The following ALPK2 variants were observed in gnomAD, a reference collection of about 807,000 sequenced individuals.
ALPK2 encodes the protein alpha-protein kinase 2.
ALPK2 carries 127 observed loss-of-function variants against 163.1 expected under a neutral mutation model. That is an observed-to-expected ratio of 0.78 (90% CI 0.67 to 0.90). The LOEUF (loss-of-function observed/expected upper bound fraction) is 0.90. Ranked by LOEUF, ALPK2 falls within the 40% of genes least tolerant of loss-of-function variation. The pLI, the probability that ALPK2 is intolerant of heterozygous loss-of-function variation, is 0.00. For synonymous variants in ALPK2, 953 were observed against 959.1 expected (o/e 0.99, Z 0.12); for missense variants, 2,360 against 2,589.6 (o/e 0.91, Z 1.92).
intron 4 of ALPK2, among the ~76,000 whole-genome samples, chr18:58,573,804 C>T (rs2051904383): frequency 6.6e-6 from 1 of 151,758 alleles, no homozygotes; most frequent in Non-Finnish European, 1.5e-5. Context: ...TCATGCGTTG[C>T]TCTGAAAGAA....
chr18:58,485,788 G>C (rs551767047), intron 12 of ALPK2, among the ~76,000 whole-genome samples: 5 of 83,020 alleles, frequency 6.0e-5, no homozygotes, highest in Admixed American at 1.1e-4. Flanking sequence ...CCTGCCACTG[G>C]GGGGGGACCC....
At chr18:58,597,803 G>T (rs144289200) in intron 3 of ALPK2, among the ~76,000 whole-genome samples, 1 of 152,356 alleles carries the variant, frequency 6.6e-6, no homozygotes, top group African/African-American at 2.4e-5. Context: ...TGGAGGCAGG[G>T]CCTCTGGGAG....
At chr18:58,605,399 A>C (rs923344490) in intron 3 of ALPK2, among the ~76,000 whole-genome samples, 23 of 152,376 alleles carry the variant, frequency 1.5e-4, no homozygotes, top group African/African-American at 5.5e-4. Flanking sequence ...AACAATAGAT[A>C]GAGAAGGGAG....
chr18:58,583,649 G>GC (rs1252204102), intron 3 of ALPK2, among the ~76,000 whole-genome samples: 11 of 149,320 alleles, frequency 7.4e-5, no homozygotes, highest in African/African-American at 2.5e-4. Flanking sequence ...CTCCATCTCT[G>GC]TAAAAAATTT....
chr18:58,575,136 C>A (rs1224189120), intron 4 of ALPK2, among the ~76,000 whole-genome samples: 1 of 151,526 alleles, frequency 6.6e-6, no homozygotes, highest in Non-Finnish European at 1.5e-5. Context: ...TCACTTGAAC[C>A]TGGGGGGCAG....
chr18:58,597,786 T>C (rs1004738332), intron 3 of ALPK2, among the ~76,000 whole-genome samples: 2 of 152,186 alleles, frequency 1.3e-5, no homozygotes, highest in Admixed American at 6.5e-5. Flanking sequence ...CACAATGTGA[T>C]GGTATTTGGA....
intron 1 of ALPK2, among the ~76,000 whole-genome samples, chr18:58,627,133 C>T (rs935363900): frequency 1.3e-5 from 2 of 152,184 alleles, no homozygotes; most frequent in African/African-American, 4.8e-5. Context: ...GCTTCTCCCA[C>T]CTCCATCCAG....
At chr18:58,495,505 C>A (rs1191195859) in intron 12 of ALPK2, among the ~76,000 whole-genome samples, 2 of 152,100 alleles carry the variant, frequency 1.3e-5, no homozygotes. Flanking sequence ...GAGAACAAAA[C>A]CAAAGGATTG....
chr18:58,613,006 A>G (rs779377319), intron 1 of ALPK2, among the ~76,000 whole-genome samples: 1 of 152,148 alleles, frequency 6.6e-6, no homozygotes, highest in Non-Finnish European at 1.5e-5. Context: ...CACCTGAGCT[A>G]AGCTCTTGGT....
intron 8 of ALPK2, among the ~76,000 whole-genome samples, chr18:58,517,875 G>T (rs949262108): frequency 6.6e-5 from 10 of 152,024 alleles, no homozygotes; most frequent in African/African-American, 2.4e-4. Context: ...CGAAAAAAAG[G>T]TAGAATTATT....
intron 3 of ALPK2, among the ~76,000 whole-genome samples, chr18:58,596,263 A>G (rs565834152): frequency 3.3e-5 from 5 of 152,282 alleles, no homozygotes; most frequent in Admixed American, 1.3e-4. Flanking sequence ...TTCTGTTGTC[A>G]GGGCCTCGGT....
At chr18:58,606,784 A>G (rs1032955028) in intron 3 of ALPK2, among the ~76,000 whole-genome samples, 1 of 152,116 alleles carries the variant, frequency 6.6e-6, no homozygotes, top group African/African-American at 2.4e-5. Context: ...TCTCTCCTTT[A>G]CTTATTGAGT....
chr18:58,519,602 C>T (rs2051539102), intron 8 of ALPK2, among the ~76,000 whole-genome samples: 2 of 152,100 alleles, frequency 1.3e-5, no homozygotes, highest in South Asian at 2.1e-4. Flanking sequence ...TAATTAACAA[C>T]CCTGTCTATA....
chr18:58,575,193 T>C (rs2051912967), intron 4 of ALPK2, among the ~76,000 whole-genome samples: 1 of 144,932 alleles, frequency 6.9e-6, no homozygotes, highest in South Asian at 2.2e-4. Context: ...GCAACAAGAG[T>C]GAAACCTCGT....
chr18:58,556,184 C>CA (rs1326112034), intron 4 of ALPK2, among the ~76,000 whole-genome samples: 4 of 152,010 alleles, frequency 2.6e-5, no homozygotes, highest in Non-Finnish European at 4.4e-5. Flanking sequence ...CACACACACA[C>CA]ACGCACACAC....
intron 1 of ALPK2, among the ~76,000 whole-genome samples, chr18:58,624,936 T>G (rs528636111): frequency 2.1e-3 from 319 of 152,344 alleles, no homozygotes; most frequent in Non-Finnish European, 3.4e-3. Context: ...ATCTAACTCT[T>G]GACAATTCTT....
At chr18:58,540,644 G>A (rs572136239) in intron 4 of ALPK2, among the ~76,000 whole-genome samples, 3 of 152,256 alleles carry the variant, frequency 2.0e-5, no homozygotes, top group African/African-American at 7.2e-5. Context: ...GAAATGTATA[G>A]AGAGACTGCC....
At chr18:58,584,361 A>G (rs538652189) in intron 3 of ALPK2, among the ~76,000 whole-genome samples, 64 of 152,178 alleles carry the variant, frequency 4.2e-4, no homozygotes, top group African/African-American at 1.2e-3. Context: ...GGTGACTCCT[A>G]CATTAAACAA....
At chr18:58,600,142 TTC>T (rs1197953004) in intron 3 of ALPK2, among the ~76,000 whole-genome samples, 2 of 148,422 alleles carry the variant, frequency 1.3e-5, no homozygotes, top group East Asian at 4.1e-4. Flanking sequence ...GTTCAAGTGA[TTC>T]TCATGCCTCA....
Sources: gnomAD v4.1 joint callset for allele counts (sites outside exome capture counted in the v4.1 genomes callset) on GRCh38, gnomAD v4.1.1 for gene constraint, MANE v1.5 for transcripts, NCBI Gene and HGNC (gene_info 2026-07-23, HGNC 2026-07-21) for gene names.